The following SHANK2 variants were observed in gnomAD, a reference collection of about 807,000 sequenced individuals.
SHANK2 encodes the protein SH3 and multiple ankyrin repeat domains 2, also known as SH3 and multiple ankyrin repeat domains protein 2.
A neutral mutation model predicts 133.7 loss-of-function variants in SHANK2; 43 were observed. That is an observed-to-expected ratio of 0.32 (90% CI 0.25 to 0.41). The LOEUF is 0.41. SHANK2 is among the 10% of genes least tolerant of loss of function. SHANK2 has a pLI of 1.00. For missense variants in SHANK2, 1,994 were observed against 2,235.8 expected (o/e 0.89, Z 2.18); for synonymous variants, 1,017 against 952.8 (o/e 1.07, Z -1.24).
intron 17 of SHANK2, among the ~76,000 whole-genome samples, chr11:70,508,321 C>T (rs1554968777): frequency 6.6e-6 from 1 of 152,226 alleles, no homozygotes; most frequent in Non-Finnish European, 1.5e-5. Context: ...GCTCAGCACC[C>T]CTCCCCACAT....
At chr11:71,088,049 G>A (rs1157824737) in intron 8 of SHANK2, among the ~76,000 whole-genome samples, 1 of 152,166 alleles carries the variant, frequency 6.6e-6, no homozygotes, top group Non-Finnish European at 1.5e-5. Flanking sequence ...TGAAGTCAGT[G>A]ACTGCTCTCA....
chr11:70,880,597 G>A (rs1949644612), intron 11 of SHANK2, among the ~76,000 whole-genome samples: 1 of 152,246 alleles, frequency 6.6e-6, no homozygotes. Flanking sequence ...TGTGCCCATG[G>A]AACACAGAAG....
At chr11:70,629,693 C>G (rs1179666938) in intron 17 of SHANK2, among the ~76,000 whole-genome samples, 2 of 152,180 alleles carry the variant, frequency 1.3e-5, no homozygotes, top group Admixed American at 1.3e-4. Context: ...GAAGGTGCCA[C>G]CTGGGCCAGA....
chr11:70,551,513 G>C (rs2059768386), intron 17 of SHANK2, among the ~76,000 whole-genome samples: 1 of 152,170 alleles, frequency 6.6e-6, no homozygotes, highest in Non-Finnish European at 1.5e-5. Context: ...ATCTACCCCC[G>C]GCCTCGGCAG....
chr11:70,622,329 C>A (rs1003738920), intron 17 of SHANK2, among the ~76,000 whole-genome samples: 9 of 151,972 alleles, frequency 5.9e-5, no homozygotes, highest in African/African-American at 2.2e-4. Context: ...CCCGCCCCCA[C>A]CTGTGCTGTG....
At chr11:71,061,251 TG>T in intron 9 of SHANK2, among the ~76,000 whole-genome samples, 1 of 152,372 alleles carries the variant, frequency 6.6e-6, no homozygotes, top group African/African-American at 2.4e-5. Context: ...ATATTTTCTG[TG>T]GCTGCAAAGC....
intron 22 of SHANK2, 59 bp downstream of exon 22, chr11:70,492,276 A>C: frequency 6.3e-7 from 1 of 1,599,564 alleles, no homozygotes; most frequent in South Asian, 1.1e-5. Context: ...GAGACAGCCC[A>C]CCCACTTCCT....
In SHANK2 at chr11:70,746,274, A is replaced by C. The variant is rs548841761; in HGVS notation, c.1778-47511T>G. Among the ~76,000 whole-genome samples, 4 of 152,246 alleles carry C rather than the reference A, an allele frequency of 2.6e-5. No individual in the cohort carries two copies. In the South Asian group the frequency reaches 8.3e-4, roughly 32 times the overall value. ...CTCTCCCGCCTCTCCAGGACAGGGA[A>C]GGCTGGGCCTCCCTTCAGGGTGGGG... On this transcript the variant is annotated intron_variant, in intron 14 of 25. Coordinates refer to ENST00000601538, the MANE Select transcript of SHANK2 (RefSeq NM_012309.5).
At chr11:70,573,466 C>T (rs183175244) in intron 17 of SHANK2, among the ~76,000 whole-genome samples, 28 of 149,436 alleles carry the variant, frequency 1.9e-4, no homozygotes, top group African/African-American at 6.9e-4. Flanking sequence ...ATTGATTATG[C>T]CCCAATAAAG....
intron 11 of SHANK2, among the ~76,000 whole-genome samples, chr11:70,823,532 G>A (rs1555056566): frequency 1.4e-5 from 2 of 144,480 alleles, no homozygotes; most frequent in African/African-American, 5.2e-5. Context: ...AGGTGGCGCT[G>A]GCAGAGTTCA....
intron 17 of SHANK2, among the ~76,000 whole-genome samples, chr11:70,630,927 C>T (rs1466314125): frequency 2.6e-5 from 4 of 152,166 alleles, no homozygotes; most frequent in African/African-American, 9.7e-5. Context: ...ACCTGCGCAT[C>T]CTGTGGTCCC....
Position 70,472,532 on chromosome 11 carries a change from A to G in SHANK2, c.*337T>C. ...GCACTGGTGTCTGCCTACAAGAGCT[A>G]GGATCCCGTGCAAAATTGACGGGGA... On this transcript the variant is annotated 3_prime_UTR_variant, in exon 26 of 26. Coordinates refer to ENST00000601538, the MANE Select transcript of SHANK2 (RefSeq NM_012309.5). The surrounding 1 kb of genome is among the most constrained non-coding windows in gnomAD (Gnocchi z 4.4). 1 of 388,528 alleles carries G rather than the reference A, an allele frequency of 2.6e-6. No individual in the cohort carries two copies. Among genetic ancestry groups the G allele is most frequent in the Non-Finnish European group, 4.9e-6 (1 of 204,238 alleles). 24.1% of individuals were successfully genotyped at this position (388,528 alleles called of 1,614,324 possible). A position where few individuals can be genotyped will look rare whatever the true frequency, so the allele number is the denominator to read the frequency against.
At chr11:70,775,770 T>C (rs1555043806) in intron 14 of SHANK2, among the ~76,000 whole-genome samples, 1 of 152,232 alleles carries the variant, frequency 6.6e-6, no homozygotes, top group East Asian at 1.9e-4. Context: ...ACACATCCAC[T>C]CTACATATGC....
At chr11:71,126,994 C>T (rs1391041982) in intron 3 of SHANK2, among the ~76,000 whole-genome samples, 6 of 152,072 alleles carry the variant, frequency 3.9e-5, no homozygotes, top group African/African-American at 1.2e-4. Context: ...CTTGAGCCAC[C>T]GCGCCCAGCT....
intron 14 of SHANK2, among the ~76,000 whole-genome samples, chr11:70,771,654 C>T (rs986508766): frequency 6.6e-6 from 1 of 152,028 alleles, no homozygotes; most frequent in East Asian, 1.9e-4. Flanking sequence ...CGTGGAGCCG[C>T]GCTGGGGGCC....
chr11:70,577,042 G>A (rs1393482798), intron 17 of SHANK2, among the ~76,000 whole-genome samples: 1 of 152,112 alleles, frequency 6.6e-6, no homozygotes, highest in Non-Finnish European at 1.5e-5. Context: ...CGGAGGCCAC[G>A]CCGCTGTCTC....
At chr11:70,793,866 C>A (rs1176106204) in intron 14 of SHANK2, among the ~76,000 whole-genome samples, 2 of 152,186 alleles carry the variant, frequency 1.3e-5, no homozygotes, top group African/African-American at 2.4e-5. Context: ...CACACAAAAA[C>A]CTTTTTTAGC....
intron 21 of SHANK2, among the ~76,000 whole-genome samples, chr11:70,495,624 G>A (rs1196250631): frequency 1.3e-5 from 2 of 152,216 alleles, no homozygotes; most frequent in African/African-American, 4.8e-5. Context: ...GCACTGCGGG[G>A]TGGGGATACC....
chr11:70,586,854 C>T (rs1179571135), intron 17 of SHANK2, among the ~76,000 whole-genome samples: 1 of 152,220 alleles, frequency 6.6e-6, no homozygotes, highest in Non-Finnish European at 1.5e-5. Context: ...CTAGAGACGC[C>T]ATCCCAGAAT....
Sources: gnomAD v4.1 joint callset for allele counts (sites outside exome capture counted in the v4.1 genomes callset) on GRCh38, gnomAD v4.1.1 for gene constraint, Gnocchi (gnomAD v3.1) non-coding constraint, MANE v1.5 for transcripts, NCBI Gene and HGNC (gene_info 2026-07-23, HGNC 2026-07-21) for gene names.